Variants in SH3BP5L observed in about 807,000 individuals in gnomAD.
The protein encoded by SH3BP5L is SH3 domain-binding protein 5-like.
A neutral mutation model predicts 40.9 loss-of-function variants in SH3BP5L; 16 were observed. The observed-to-expected ratio is 0.39, with a 90% CI of 0.27 to 0.59. The LOEUF is 0.59. SH3BP5L is among the 20% of genes least tolerant of loss of function. SH3BP5L has a pLI of 0.53. For missense variants in SH3BP5L, 471 were observed against 544.6 expected (o/e 0.86, Z 1.35); for synonymous variants, 229 against 226.7 (o/e 1.01, Z -0.09).
In SH3BP5L at chr1:248,811,998, T is replaced by C; in HGVS notation, c.1084A>G (p.Ser362Gly). 1 of 1,608,448 alleles carries C rather than the reference T, an allele frequency of 6.2e-7. No individual in the cohort carries two copies. Among genetic ancestry groups the C allele is most frequent in the Non-Finnish European group, 8.5e-7 (1 of 1,178,268 alleles). The change falls in exon 7 of 7, where the codon AGT (serine) becomes GGT (glycine). Residue 362 changes from serine (S) to glycine (G), a missense_variant. Transcript: ENST00000366472. The stretch of plus-strand genomic sequence containing the variant: ...GTTCCCAGCTCTTGGCCGTCCAGAC[T>C]GACGTGGTCCGAGAGGCCTCGCAAG... ...EHLRGLSDHV[S>G]LDGQELGTRS...
chr1:248,819,702 C>CAAAAAAAAAAAAA (rs34840808), intron 2 of SH3BP5L, among the ~76,000 whole-genome samples: 2 of 72,726 alleles, frequency 2.8e-5, no homozygotes, highest in Admixed American at 1.6e-4. Context: ...GACTCAGTCT[C>CAAAAAAAAAAAAA]AAAAAAAAAA....
In SH3BP5L at chr1:248,814,615, G is replaced by C. The variant is rs141021891; in HGVS notation, c.376-5C>G. On this transcript the variant is annotated splice_region_variant and splice_polypyrimidine_tract_variant and intron_variant, in intron 4 of 6. Transcript: ENST00000366472. Reference sequence around the variant, plus strand: ...CTTCTGTGTCTCCTGCTGAGCCTGGGGGGAGAGGGATATCAGGATGGGGAA... The same window carrying C: ...CTTCTGTGTCTCCTGCTGAGCCTGGCGGGAGAGGGATATCAGGATGGGGAA... 1.9e-3 allele frequency: 3,119 copies of C among 1,614,184 alleles called. 63 individuals carry two copies. The African/African-American group carries it at 0.037, about 19-fold the overall frequency.
intron 2 of SH3BP5L, among the ~76,000 whole-genome samples, chr1:248,823,564 C>G (rs1664304582): frequency 6.6e-6 from 1 of 152,110 alleles, no homozygotes; most frequent in African/African-American, 2.4e-5. Flanking sequence ...TCAGGCAGAG[C>G]AGAAATAAAT....
At chr1:248,815,119 A>G (rs990456357) in intron 4 of SH3BP5L, among the ~76,000 whole-genome samples, 3 of 152,210 alleles carry the variant, frequency 2.0e-5, no homozygotes, top group Admixed American at 6.5e-5. Context: ...TACATCTAAT[A>G]TAAGAAAATA....
intron 2 of SH3BP5L, among the ~76,000 whole-genome samples, chr1:248,824,282 G>A (rs765946596): frequency 1.1e-4 from 17 of 152,154 alleles, no homozygotes; most frequent in South Asian, 1.0e-3. Context: ...AATGTGGGCC[G>A]CACATCCCTG....
Position 248,814,614 on chromosome 1 carries a change from G to C in SH3BP5L, c.376-4C>G. The C allele has an allele frequency of 1.9e-6, 3 of 1,614,164 alleles. No homozygotes were observed. Among genetic ancestry groups the C allele is most frequent in the Non-Finnish European group, 2.5e-6 (3 of 1,180,022 alleles). On this transcript the variant is annotated splice_region_variant and splice_polypyrimidine_tract_variant and intron_variant, in intron 4 of 6. Transcript: ENST00000366472. ...CCTTCTGTGTCTCCTGCTGAGCCTG[G>C]GGGGAGAGGGATATCAGGATGGGGA...
chr1:248,817,136 G>T, intron 2 of SH3BP5L: 1 of 1,224,578 alleles, frequency 8.2e-7, no homozygotes, highest in Non-Finnish European at 1.1e-6. Context: ...TTTCAAGGAT[G>T]AAGAAATTGA....
Position 248,825,066 on chromosome 1 carries a change from TGG to T in SH3BP5L, c.-133_-132del. ...TTCTCTTCTCAAAAGGCAGAAAAGGTGGGCACAGGAAGAACCTCACACTAGGT... is the reference window on the plus strand; with the variant it reads ...TTCTCTTCTCAAAAGGCAGAAAAGGTGCACAGGAAGAACCTCACACTAGGT... On this transcript the variant is annotated 5_prime_UTR_variant, in exon 2 of 7. Transcript: ENST00000366472. 1 of 1,439,314 alleles carries T rather than the reference TGG, an allele frequency of 6.9e-7. No individual in the cohort carries two copies. The highest frequency in any genetic ancestry group is 9.1e-7 in the Non-Finnish European group (1 of 1,102,036). 89.2% of individuals were successfully genotyped at this position (1,439,314 alleles called of 1,614,324 possible).
At position 248,816,602 on chromosome 1, in the gene SH3BP5L, C is replaced by T; in HGVS notation, c.307G>A (p.Gly103Ser). ...QESARKLNTQGSHLGSCIEKA... is the reference protein window; with the variant it reads ...QESARKLNTQSSHLGSCIEKA... ...TCGATGCAGCTCCCCAAGTGGGAAC[C>T]CTGTGTATTCAGTTTCCTCGCCGAC... Residue 103 changes from glycine to serine, a missense_variant, in exon 4 of 7, where the codon GGT (glycine) becomes AGT (serine). Physicochemically the swap from Gly to Ser is moderately conservative, Grantham distance 56. Around this residue, in one of 2 missense-constraint regions of SH3BP5L, gnomAD observed 275 missense variants for 370.1 expected, o/e 0.74. Transcript: ENST00000366472. The T allele has an allele frequency of 6.2e-7, 1 of 1,614,180 alleles. No homozygotes were observed. The highest frequency in any genetic ancestry group is 2.2e-5 in the East Asian group (1 of 44,892).
chr1:248,812,854 A>C lies in SH3BP5L; in HGVS notation c.711+135T>G. The C allele has an allele frequency of 1.4e-6, 1 of 733,876 alleles. No homozygotes were observed. Among genetic ancestry groups the C allele is most frequent in the South Asian group, 2.0e-5 (1 of 49,296 alleles). 45.5% of individuals were successfully genotyped at this position (733,876 alleles called of 1,614,324 possible). The stretch of plus-strand genomic sequence containing the variant: ...CAAGGTCATTTGGAACATGTGTGCC[A>C]CCACCCTTCCCCACCGCTAGCCGGA... On this transcript the variant is annotated intron_variant, in intron 6 of 6. Coordinates refer to ENST00000366472, the MANE Select transcript of SH3BP5L (RefSeq NM_030645.3). The surrounding 1 kb of genome is among the most constrained non-coding windows in gnomAD (Gnocchi z 6.1).
chr1:248,812,003 T>G lies in SH3BP5L; in HGVS notation c.1079A>C (p.His360Pro). Residue 360 changes from histidine to proline, a missense_variant, in exon 7 of 7, where the codon CAC becomes CCC. Around this residue, in one of 2 missense-constraint regions of SH3BP5L, gnomAD observed 196 missense variants for 174.6 expected, o/e 1.12. Coordinates refer to ENST00000366472, the MANE Select transcript of SH3BP5L (RefSeq NM_030645.3). The surrounding 1 kb of genome is among the most constrained non-coding windows in gnomAD (Gnocchi z 6.1). ...SVEHLRGLSDHVSLDGQELGT... is the reference protein window; with the variant it reads ...SVEHLRGLSDPVSLDGQELGT... ...CAGCTCTTGGCCGTCCAGACTGACG[T>G]GGTCCGAGAGGCCTCGCAAGTGCTC... 6.2e-7 allele frequency: 1 copy of G among 1,609,670 alleles called. No individual in the cohort carries two copies. The highest frequency in any genetic ancestry group is 8.5e-7 in the Non-Finnish European group (1 of 1,178,714).
At chr1:248,818,122 C>T (rs1664155114) in intron 2 of SH3BP5L, among the ~76,000 whole-genome samples, 1 of 152,034 alleles carries the variant, frequency 6.6e-6, no homozygotes, top group Non-Finnish European at 1.5e-5. Context: ...CAGAGGTGGG[C>T]AGATCACTTG....
At chr1:248,816,198 G>A in intron 4 of SH3BP5L, 1 of 224,984 alleles carries the variant, frequency 4.4e-6, no homozygotes, top group Non-Finnish European at 9.0e-6. Flanking sequence ...AAAGGGAAGA[G>A]GAAATGGGCG....
chr1:248,822,832 T>C (rs1664286825), intron 2 of SH3BP5L, among the ~76,000 whole-genome samples: 1 of 152,068 alleles, frequency 6.6e-6, no homozygotes, highest in Admixed American at 6.6e-5. Context: ...CTGGCTAGCT[T>C]TTTTTATTTT....
At chr1:248,814,958 C>G (rs923405107) in intron 4 of SH3BP5L, 1 of 379,774 alleles carries the variant, frequency 2.6e-6, no homozygotes, top group Non-Finnish European at 5.1e-6. Flanking sequence ...GAAAAGATGA[C>G]CTTGAGACCA....
intron 2 of SH3BP5L, chr1:248,820,943 T>C (rs1472564977): frequency 6.6e-6 from 1 of 152,244 alleles, no homozygotes. Context: ...GCTGTTGCTA[T>C]TGGCAAGTGG....
chr1:248,825,114 G>A lies in SH3BP5L; in HGVS notation c.-179C>T. Reference sequence around the variant, plus strand: ...TAGGTTAGAGGTTGAGATTCAAGTTGTCAGTGGGGTTCCTAGAGCTGAAGC... The same window carrying A: ...TAGGTTAGAGGTTGAGATTCAAGTTATCAGTGGGGTTCCTAGAGCTGAAGC... On this transcript the variant is annotated 5_prime_UTR_variant, in exon 2 of 7. Coordinates refer to ENST00000366472, the MANE Select transcript of SH3BP5L (RefSeq NM_030645.3). The A allele has an allele frequency of 7.2e-7, 1 of 1,394,680 alleles. No homozygotes were observed. The highest frequency in any genetic ancestry group is 1.5e-5 in the African/African-American group (1 of 68,706). The allele number at this position is 1,394,680 out of a possible 1,614,324, so 86.4% of individuals were successfully genotyped here.
In SH3BP5L at chr1:248,821,577, G is replaced by A. The variant is rs544001197; in HGVS notation, c.183+3176C>T. Reference sequence around the variant, plus strand: ...AGAGTTTGGAAAGGAGCAGGTAAACGAGAGCACTCACATCTGAGGAAAGAA... The same window carrying A: ...AGAGTTTGGAAAGGAGCAGGTAAACAAGAGCACTCACATCTGAGGAAAGAA... On this transcript the variant is annotated intron_variant, in intron 2 of 6. Coordinates refer to ENST00000366472, the MANE Select transcript of SH3BP5L (RefSeq NM_030645.3). This position sits in a 1 kb window ranked among gnomAD's most constrained non-coding sequence, Gnocchi z 4.6. Among the ~76,000 whole-genome samples the A allele has an allele frequency of 3.3e-5, 5 of 152,166 alleles. No homozygotes were observed. The highest frequency in any genetic ancestry group is 2.1e-4 in the South Asian group (1 of 4,816).
At chr1:248,816,255 T>C (rs1664101417) in intron 4 of SH3BP5L, 2 of 410,824 alleles carry the variant, frequency 4.9e-6, no homozygotes, top group African/African-American at 4.0e-5. Flanking sequence ...TGATATACCC[T>C]AAAGCCTGAT....
Sources: allele counts gnomAD v4.1 joint callset (sites outside exome capture counted in the v4.1 genomes callset), GRCh38; gene constraint gnomAD v4.1.1; regional missense constraint gnomAD v4.1.1; non-coding constraint Gnocchi (gnomAD v3.1); transcripts MANE v1.5; gene names NCBI Gene and HGNC (gene_info 2026-07-23, HGNC 2026-07-21).